Variants in FUBP1 observed in about 807,000 individuals in gnomAD.
The protein encoded by FUBP1 is far upstream element binding protein 1.
In FUBP1, 16 loss-of-function variants were observed where a neutral mutation model predicts 94.9. The ratio of observed to expected loss-of-function variants is 0.17; its 90% confidence interval spans 0.11 to 0.26. The LOEUF (loss-of-function observed/expected upper bound fraction) is 0.26. Ranked by LOEUF, FUBP1 falls within the 10% of genes least tolerant of loss-of-function variation. FUBP1 has a pLI of 1.00. For synonymous variants in FUBP1, 279 were observed against 254.9 expected, an observed-to-expected ratio of 1.09 and a Z score of -0.90; for missense variants, 583 against 808.6, an observed-to-expected ratio of 0.72 and a Z score of 3.38.
chr1:77,956,799 A>G, intron 16 of FUBP1, 99 bp from the exon 17 acceptor site: 1 of 728,456 alleles, frequency 1.4e-6, no homozygotes, highest in Non-Finnish European at 2.1e-6. Context: ...GCAAATATAC[A>G]GCCCCCAAAA....
intron 1 of FUBP1, among the ~76,000 whole-genome samples, chr1:77,970,614 T>C (rs1657342961): frequency 6.6e-6 from 1 of 152,194 alleles, no homozygotes; most frequent in African/African-American, 2.4e-5. Context: ...TGGACAATGT[T>C]GTTCTAAGGA....
chr1:77,945,390 T>C lies in FUBP1; in HGVS notation c.*3376A>G. The C allele has an allele frequency of 4.7e-6, 1 of 212,814 alleles. No homozygotes were observed. The highest frequency in any genetic ancestry group is 9.5e-6 in the Non-Finnish European group (1 of 105,112). The allele number at this position is 212,814 out of a possible 1,614,324, so 13.2% of individuals were successfully genotyped here. ...TTAACAGTTCATGGAACATTTAAGA[T>C]CAAGTGAATAGCACTTTAAAATGAA... On this transcript the variant is annotated 3_prime_UTR_variant, in exon 20 of 20. Coordinates refer to ENST00000370768, the MANE Select transcript of FUBP1 (RefSeq NM_003902.5).
chr1:77,964,791 AC>A (rs1557450810), intron 9 of FUBP1, 44 bp from the exon 10 acceptor site: 3 of 1,509,626 alleles, frequency 2.0e-6, no homozygotes, highest in African/African-American at 2.7e-5. Flanking sequence ...ATGTCTCAAA[AC>A]ATTTTAATTA....
At chr1:77,968,308 G>A in intron 2 of FUBP1, 105 bp from the exon 3 acceptor site, 1 of 694,810 alleles carries the variant, frequency 1.4e-6, no homozygotes, top group Non-Finnish European at 2.4e-6. Context: ...AATATCTGAA[G>A]GTATGGTTTA....
At chr1:77,974,956 A>G (rs1198197479) in intron 1 of FUBP1, among the ~76,000 whole-genome samples, 1 of 152,232 alleles carries the variant, frequency 6.6e-6, no homozygotes, top group East Asian at 1.9e-4. Context: ...AGTTCCTTAT[A>G]TAAAATGGTA....
intron 14 of FUBP1, 103 bp downstream of exon 14, chr1:77,962,667 A>C: frequency 1.6e-6 from 1 of 630,528 alleles, no homozygotes; most frequent in Non-Finnish European, 2.7e-6. Context: ...ATAAATGCTG[A>C]CTAGTAATGA....
Position 77,964,927 on chromosome 1 carries a change from C to T in FUBP1, c.678G>A (p.Pro226=), listed in dbSNP as rs1310015322. 6.2e-6 allele frequency: 10 copies of T among 1,612,210 alleles called. No individual in the cohort carries two copies. Among genetic ancestry groups the T allele is most frequent in the South Asian group, 1.1e-5 (1 of 91,044 alleles). ...GVKMVMIQDG[P]QNTGADKPLR... ...GAGGTTTGTCAGCACCAGTGTTCTG[C>T]GGCCCGTCTTGAATCATAACCATTT... is the stretch of plus-strand genomic sequence containing the variant. The change falls in exon 9 of 20, where the codon CCG becomes CCA. Residue 226 remains proline, a synonymous_variant. Transcript: ENST00000370768.
At chr1:77,961,192 T>C (rs1336895701) in intron 14 of FUBP1, among the ~76,000 whole-genome samples, 1 of 152,236 alleles carries the variant, frequency 6.6e-6, no homozygotes, top group Non-Finnish European at 1.5e-5. Context: ...GATTTCTGTT[T>C]GGTTAAGCCA....
intron 18 of FUBP1, 127 bp downstream of exon 18, chr1:77,955,128 C>A: frequency 2.9e-5 from 16 of 548,978 alleles, no homozygotes; most frequent in East Asian, 9.9e-5. Flanking sequence ...AATTTAAAAA[C>A]TATAATTTAC....
intron 2 of FUBP1, among the ~76,000 whole-genome samples, chr1:77,968,642 C>CA (rs796481917): frequency 0.049 from 5,844 of 118,404 alleles, 140 homozygotes; most frequent in South Asian, 0.15. Flanking sequence ...AAGCTATGCC[C>CA]AAAAAAAAAA....
chr1:77,972,218 T>A (rs1657691231), intron 1 of FUBP1, among the ~76,000 whole-genome samples: 1 of 152,126 alleles, frequency 6.6e-6, no homozygotes, highest in African/African-American at 2.4e-5. Flanking sequence ...AATACACTGC[T>A]GGGTATCGAC....
intron 6 of FUBP1, 38 bp from the exon 7 acceptor site, chr1:77,966,789 G>T: frequency 3.7e-6 from 5 of 1,365,974 alleles, no homozygotes; most frequent in South Asian, 1.2e-5. Context: ...CAGGTCAAAA[G>T]ATTAAAAGTA....
At chr1:77,960,136 G>A in intron 16 of FUBP1, 48 bp downstream of exon 16, 1 of 1,272,230 alleles carries the variant, frequency 7.9e-7, no homozygotes, top group Non-Finnish European at 1.1e-6. Context: ...TAATGTAACA[G>A]GAGTGGAAAA....
intron 10 of FUBP1, 120 bp downstream of exon 10, chr1:77,964,526 C>A (rs915805394): frequency 1.6e-5 from 11 of 695,412 alleles, no homozygotes; most frequent in Non-Finnish European, 2.5e-5. Flanking sequence ...ATTCTGTATT[C>A]TAAAGTATAA....
rs1445936705 is a variant in FUBP1 at position 77,974,810 on chromosome 1, T to C, written c.120+4075A>G. On this transcript the variant is annotated intron_variant, in intron 1 of 19. Transcript: ENST00000370768. ...GTATCCTCCGAGGTTAAGAACAGAC[T>C]ATTGTAGTTTACTTAATTAACTTCT... Among the ~76,000 whole-genome samples the C allele has an allele frequency of 2.0e-5, 3 of 152,220 alleles. No individual in the cohort carries two copies. In the East Asian group the frequency reaches 5.8e-4, roughly 29 times the overall value.
intron 1 of FUBP1, among the ~76,000 whole-genome samples, chr1:77,971,233 G>A (rs1657480185): frequency 6.6e-6 from 1 of 152,158 alleles, no homozygotes; most frequent in African/African-American, 2.4e-5. Context: ...CTGCAATGCT[G>A]TACATTCATT....
intron 1 of FUBP1, among the ~76,000 whole-genome samples, chr1:77,975,509 CAAG>C (rs1658431275): frequency 6.6e-6 from 1 of 151,986 alleles, no homozygotes; most frequent in Non-Finnish European, 1.5e-5. Context: ...GAAGAGACTG[CAAG>C]AAGGATCGAA....
intron 1 of FUBP1, among the ~76,000 whole-genome samples, chr1:77,976,585 C>A (rs1272212937): frequency 1.3e-5 from 2 of 152,230 alleles, no homozygotes; most frequent in East Asian, 3.9e-4. Flanking sequence ...CCTCCACTTC[C>A]CAGGTTGAAG....
rs60897865 is a variant in FUBP1 at position 77,948,625 on chromosome 1, C to CAAAA, written c.*137_*140dup. ...TAGTGATAGATATTTTGTACATTTT[C>CAAAA]AAAAAAAAAAAAAAAAAAGGAAACA... On this transcript the variant is annotated 3_prime_UTR_variant, in exon 20 of 20. Coordinates refer to ENST00000370768, the MANE Select transcript of FUBP1 (RefSeq NM_003902.5). 1.1e-4 allele frequency: 103 copies of CAAAA among 980,502 alleles called. No homozygotes were observed. Among genetic ancestry groups the CAAAA allele is most frequent in the African/African-American group, 2.8e-4 (12 of 42,570 alleles). 60.7% of individuals were successfully genotyped at this position (980,502 alleles called of 1,614,324 possible).
Sources: gnomAD v4.1 joint callset for allele counts (sites outside exome capture counted in the v4.1 genomes callset) on GRCh38, gnomAD v4.1.1 for gene constraint, MANE v1.5 for transcripts, NCBI Gene and HGNC (gene_info 2026-07-23, HGNC 2026-07-21) for gene names.